Variants in PHF14 observed in about 807,000 individuals in gnomAD.
The protein encoded by PHF14 is PHD finger protein 14.
In PHF14, 55 loss-of-function variants were observed where a neutral mutation model predicts 117.9. The observed-to-expected ratio is 0.47, with a 90% confidence interval of 0.38 to 0.58. The LOEUF (loss-of-function observed/expected upper bound fraction) is 0.58, where lower values mean the gene tolerates loss of function less well. Ranked by LOEUF, PHF14 falls within the 20% of genes least tolerant of loss-of-function variation. PHF14 has a pLI of 0.00. For missense variants in PHF14, 978 were observed against 1,122.2 expected, an observed-to-expected ratio of 0.87 and a Z score of 1.84; for synonymous variants, 409 against 368.6, an observed-to-expected ratio of 1.11 and a Z score of -1.26.
intron 17 of PHF14, among the ~76,000 whole-genome samples, chr7:11,149,130 TTGTC>T (rs2128353420): frequency 6.6e-6 from 1 of 152,290 alleles, no homozygotes; most frequent in East Asian, 1.9e-4. Flanking sequence ...AAAATAAGAT[TTGTC>T]TGACACCAAA....
At chr7:11,088,833 C>G (rs1306657558) in intron 16 of PHF14, among the ~76,000 whole-genome samples, 1 of 151,840 alleles carries the variant, frequency 6.6e-6, no homozygotes, top group Non-Finnish European at 1.5e-5. Context: ...TTATGTATCT[C>G]CTATAGATTT....
intron 17 of PHF14, among the ~76,000 whole-genome samples, chr7:11,122,390 TAC>T (rs1203487144): frequency 3.3e-5 from 3 of 91,298 alleles, no homozygotes; most frequent in South Asian, 3.4e-4. Context: ...CACACATACA[TAC>T]ACACACATAT....
chr7:10,979,465 A>C (rs147961098), intron 2 of PHF14, among the ~76,000 whole-genome samples: 88 of 152,096 alleles, frequency 5.8e-4, no homozygotes, highest in African/African-American at 2.0e-3. Context: ...TTCAAACGTA[A>C]GAAAGGTTTA....
At position 10,982,591 on chromosome 7, in the gene PHF14, C is replaced by G. The variant is rs1022718070; in HGVS notation, c.332C>G (p.Pro111Arg). Residue 111 changes from proline to arginine, a missense_variant, in exon 3 of 18, where the codon CCT becomes CGT. Transcript: ENST00000634607. ...GAAGAAGAAGAAAATGGAGAAAGAC[C>G]TAGAAAGAAAAAGGAGAAAGAGAAG... Reference protein sequence around the residue: ...KKEEEENGERPRKKKEKEKEK... With the variant: ...KKEEEENGERRRKKKEKEKEK... 13 of 1,501,512 alleles carry G rather than the reference C, an allele frequency of 8.7e-6. No individual in the cohort carries two copies. The highest frequency in any genetic ancestry group is 1.2e-5 in the Non-Finnish European group (13 of 1,107,268). The allele number at this position is 1,501,512 out of a possible 1,614,324, so 93.0% of individuals were successfully genotyped here.
At chr7:11,037,152 G>A (rs1299943867) in intron 10 of PHF14, 61 bp downstream of exon 10, 27 of 1,377,770 alleles carry the variant, frequency 2.0e-5, no homozygotes, top group Non-Finnish European at 2.9e-6. Context: ...TTTCTTTTGT[G>A]AATGTATGGC....
At chr7:10,999,551 C>T (rs1031430814) in intron 4 of PHF14, among the ~76,000 whole-genome samples, 3 of 152,096 alleles carry the variant, frequency 2.0e-5, no homozygotes, top group African/African-American at 7.2e-5. Context: ...ATGTTTTGCT[C>T]CTTGGACTCT....
rs181672838 is a variant in PHF14, at chr7:11,062,632, T to G, written c.2654+547T>G. 485 of 929,354 alleles carry G rather than the reference T, an allele frequency of 5.2e-4. 1 individual carries two copies. In the African/African-American group the frequency reaches 7.9e-3, roughly 15 times the overall value. 57.6% of individuals were successfully genotyped at this position (929,354 alleles called of 1,614,324 possible). On this transcript the variant is annotated intron_variant, in intron 16 of 17. Transcript: ENST00000634607. ...TTTTATTTTTTGTTTTGTCTTTGTT[T>G]CTTTGTTTCGTTTTGGTACTTTATT... is the stretch of plus-strand genomic sequence containing the variant.
At chr7:11,145,265 T>A (rs772459923) in intron 17 of PHF14, among the ~76,000 whole-genome samples, 5 of 137,842 alleles carry the variant, frequency 3.6e-5, no homozygotes, top group Non-Finnish European at 7.8e-5. Context: ...CTATTATAGG[T>A]GTATGTCCTC....
At chr7:11,008,522 C>A (rs1783209691) in intron 4 of PHF14, among the ~76,000 whole-genome samples, 1 of 152,082 alleles carries the variant, frequency 6.6e-6, no homozygotes, top group African/African-American at 2.4e-5. Context: ...TATGAGGGAT[C>A]TAGGTTTCAT....
At chr7:11,162,637 T>A (rs1789079260) in intron 17 of PHF14, among the ~76,000 whole-genome samples, 1 of 151,882 alleles carries the variant, frequency 6.6e-6, no homozygotes, top group Non-Finnish European at 1.5e-5. Context: ...CCTTAGGGCC[T>A]TTTTTTCCCC....
At chr7:11,070,589 A>G (rs1251763918) in intron 16 of PHF14, among the ~76,000 whole-genome samples, 2 of 152,082 alleles carry the variant, frequency 1.3e-5, no homozygotes, top group Non-Finnish European at 2.9e-5. Context: ...TCTTTCATAT[A>G]TTCTTCCTAA....
intron 17 of PHF14, among the ~76,000 whole-genome samples, chr7:11,124,493 A>G (rs993999132): frequency 6.6e-6 from 1 of 152,164 alleles, no homozygotes; most frequent in Non-Finnish European, 1.5e-5. Flanking sequence ...TAATAATAGA[A>G]GTTAACATTT....
chr7:11,048,063 G>T (rs1209271138), intron 13 of PHF14, among the ~76,000 whole-genome samples: 1 of 151,888 alleles, frequency 6.6e-6, no homozygotes, highest in Non-Finnish European at 1.5e-5. Context: ...ATTTTTAATT[G>T]GCTTGGATCA....
intron 17 of PHF14, among the ~76,000 whole-genome samples, chr7:11,113,325 G>A (rs1281782770): frequency 6.6e-6 from 1 of 152,116 alleles, no homozygotes; most frequent in Non-Finnish European, 1.5e-5. Flanking sequence ...ATAGGTGCCA[G>A]TAGCCATTGG....
At chr7:10,991,501 G>A (rs1782449832) in intron 4 of PHF14, among the ~76,000 whole-genome samples, 1 of 151,682 alleles carries the variant, frequency 6.6e-6, no homozygotes, top group South Asian at 2.1e-4. Context: ...GTAGAGATGG[G>A]GTTTCACCAT....
rs756950032 is a variant in PHF14 at position 10,982,905 on chromosome 7, CCTA to C, written c.649_651del (p.Thr217del). 1.2e-6 allele frequency: 2 copies of C among 1,612,764 alleles called. No homozygotes were observed. The highest frequency in any genetic ancestry group is 2.7e-5 in the African/African-American group (2 of 74,820). On this transcript the variant is annotated inframe_deletion, in exon 3 of 18. Coordinates refer to ENST00000634607, the MANE Select transcript of PHF14 (RefSeq NM_001007157.2). ...CAGTGAGGATGACAATGATTGGCGA[CCTA>C]CTGTAGTAAAGAGAAAAGGGAGATC...
intron 17 of PHF14, among the ~76,000 whole-genome samples, chr7:11,111,999 TAATAGATTATACCCCC>T (rs1188869246): frequency 1.3e-5 from 2 of 152,078 alleles, no homozygotes; most frequent in Non-Finnish European, 2.9e-5. Context: ...ATCTAATGTT[TAATAGATTATACCCCC>T]AAATCAGTTT....
At chr7:11,101,307 T>G (rs566433878) in intron 16 of PHF14, among the ~76,000 whole-genome samples, 52 of 152,002 alleles carry the variant, frequency 3.4e-4, no homozygotes, top group African/African-American at 1.2e-3. Flanking sequence ...ATCTCTATTA[T>G]TTGTGCATGT....
chr7:11,061,930 G>T, intron 15 of PHF14, 34 bp from the exon 16 acceptor site: 1 of 1,548,488 alleles, frequency 6.5e-7, no homozygotes, highest in Non-Finnish European at 8.7e-7. Flanking sequence ...TATTTTGTTT[G>T]TTATGTTTTA....
Sources: gnomAD v4.1 joint callset for allele counts (sites outside exome capture counted in the v4.1 genomes callset) on GRCh38, gnomAD v4.1.1 for gene constraint, MANE v1.5 for transcripts, NCBI Gene and HGNC (gene_info 2026-07-23, HGNC 2026-07-21) for gene names.